KHDRBS2: variants seen among roughly 807,000 people sequenced by gnomAD.
The protein encoded by KHDRBS2 is KH RNA binding domain containing, signal transduction associated 2.
KHDRBS2 carries 26 observed loss-of-function variants against 44.3 expected under a neutral mutation model. The observed-to-expected ratio is 0.59, with a 90% CI of 0.43 to 0.81. The LOEUF is 0.81. Among genes scored for constraint, KHDRBS2 ranks in the 40% least tolerant of loss-of-function variants. The pLI is 0.00. For synonymous variants in KHDRBS2, 194 were observed against 151.1 expected, an observed-to-expected ratio of 1.28 and a Z score of -2.08; for missense variants, 476 against 433.1, an observed-to-expected ratio of 1.10 and a Z score of -0.88.
At chr6:62,053,963 T>C (rs1789682913) in intron 2 of KHDRBS2, among the ~76,000 whole-genome samples, 1 of 152,008 alleles carries the variant, frequency 6.6e-6, no homozygotes. Context: ...ATATAGGAAT[T>C]TTAAAAACTA....
chr6:62,064,121 A>G (rs1379993022), intron 2 of KHDRBS2, among the ~76,000 whole-genome samples: 1 of 61,544 alleles, frequency 1.6e-5, no homozygotes, highest in Non-Finnish European at 4.5e-5. Context: ...CTGTTCAAGG[A>G]AATAAAAGAG....
chr6:61,832,502 T>G (rs756811371), intron 6 of KHDRBS2, among the ~76,000 whole-genome samples: 4 of 152,164 alleles, frequency 2.6e-5, no homozygotes, highest in Non-Finnish European at 5.9e-5. Flanking sequence ...AGCTGCCATT[T>G]CTGCCTTGGG....
At chr6:61,671,087 A>G in the KHDRBS2 span, among the ~76,000 whole-genome samples, 1 of 151,640 alleles carries the variant, frequency 6.6e-6, no homozygotes, top group Non-Finnish European at 1.5e-5. Flanking sequence ...AAAAAAGTAG[A>G]CTGTGAATTT....
At chr6:61,926,840 A>C (rs1004749642) in intron 4 of KHDRBS2, among the ~76,000 whole-genome samples, 3 of 152,004 alleles carry the variant, frequency 2.0e-5, no homozygotes, top group Non-Finnish European at 2.9e-5. Context: ...AGAGAAAGAG[A>C]CAGATGAGCC....
chr6:62,033,307 T>C (rs1784680214), intron 3 of KHDRBS2, among the ~76,000 whole-genome samples: 1 of 151,930 alleles, frequency 6.6e-6, no homozygotes. Flanking sequence ...AAAAGCATTA[T>C]AACAGAGAAT....
At chr6:62,020,849 C>G (rs1016520369) in intron 3 of KHDRBS2, among the ~76,000 whole-genome samples, 18 of 151,928 alleles carry the variant, frequency 1.2e-4, no homozygotes, top group African/African-American at 3.9e-4. Flanking sequence ...AGGCTTAAAA[C>G]AGAACTTGAT....
At chr6:61,564,518 T>C in the KHDRBS2 span, among the ~76,000 whole-genome samples, 89,793 of 151,834 alleles carry the variant, frequency 0.59, 26,766 homozygotes, top group Non-Finnish European at 0.61. Context: ...CTCTGGTGAG[T>C]ACCTCCCTCC....
At chr6:62,234,666 A>G (rs1833420295) in intron 1 of KHDRBS2, among the ~76,000 whole-genome samples, 1 of 152,094 alleles carries the variant, frequency 6.6e-6, no homozygotes, top group Admixed American at 6.6e-5. Flanking sequence ...CCTTAATTTC[A>G]TCAAATACCT....
At chr6:62,120,122 T>A (rs2150081861) in intron 2 of KHDRBS2, among the ~76,000 whole-genome samples, 1 of 152,336 alleles carries the variant, frequency 6.6e-6, no homozygotes, top group East Asian at 1.9e-4. Flanking sequence ...CATTTAATGT[T>A]GCAACTCATG....
At chr6:61,917,511 G>A (rs1807238440) in intron 4 of KHDRBS2, among the ~76,000 whole-genome samples, 1 of 151,796 alleles carries the variant, frequency 6.6e-6, no homozygotes, top group Non-Finnish European at 1.5e-5. Context: ...TGAATAGGTG[G>A]AGCACAGAAA....
the KHDRBS2 span, among the ~76,000 whole-genome samples, chr6:61,648,867 T>A: frequency 6.6e-6 from 1 of 152,166 alleles, no homozygotes; most frequent in East Asian, 1.9e-4. Context: ...TAGGCACTCT[T>A]CCTGAAGTAG....
intron 2 of KHDRBS2, among the ~76,000 whole-genome samples, chr6:62,084,079 T>G (rs1017568221): frequency 1.3e-5 from 2 of 152,144 alleles, no homozygotes; most frequent in African/African-American, 4.8e-5. Context: ...TTAGTACAAA[T>G]TTTTGTGTGG....
intron 4 of KHDRBS2, among the ~76,000 whole-genome samples, chr6:61,938,050 G>A (rs1248150771): frequency 6.6e-6 from 1 of 151,994 alleles, no homozygotes; most frequent in African/African-American, 2.4e-5. Flanking sequence ...ACAGCCCCAA[G>A]CAATCAACAC....
chr6:62,221,210 A>T (rs912948275), intron 1 of KHDRBS2, among the ~76,000 whole-genome samples: 11 of 152,100 alleles, frequency 7.2e-5, no homozygotes, highest in Non-Finnish European at 2.9e-5. Flanking sequence ...CCAGACATAA[A>T]AATAAAAGTT....
chr6:61,958,418 G>A (rs985837682), intron 4 of KHDRBS2, among the ~76,000 whole-genome samples: 1 of 152,046 alleles, frequency 6.6e-6, no homozygotes, highest in African/African-American at 2.4e-5. Flanking sequence ...AAGCCATTTG[G>A]CCACCCTTCA....
chr6:62,095,899 A>G lies in KHDRBS2; in HGVS notation c.220-47905T>C, dbSNP rs189513424. On this transcript the variant is annotated intron_variant, in intron 2 of 8. Coordinates refer to ENST00000281156, the MANE Select transcript of KHDRBS2 (RefSeq NM_152688.4). ...TACATTGAGGTGCATTCCTTCTATT[A>G]CTAACTTGTTGAAAGCGTCTATCAT... Among the ~76,000 whole-genome samples the G allele has an allele frequency of 6.6e-5, 10 of 151,920 alleles. No homozygotes were observed. The East Asian group carries it at 1.5e-3, about 23-fold the overall frequency.
chr6:61,611,664 T>A, the KHDRBS2 span, among the ~76,000 whole-genome samples: 1 of 152,216 alleles, frequency 6.6e-6, no homozygotes. Context: ...AATTTCAGCT[T>A]TTATTTTAGA....
intron 6 of KHDRBS2, among the ~76,000 whole-genome samples, chr6:61,884,875 T>C (rs1227992316): frequency 6.6e-6 from 1 of 152,098 alleles, no homozygotes; most frequent in Non-Finnish European, 1.5e-5. Context: ...TATTTTCCTA[T>C]AAATGTTGCC....
chr6:61,796,665 A>G (rs1785400555), intron 6 of KHDRBS2, among the ~76,000 whole-genome samples: 1 of 152,172 alleles, frequency 6.6e-6, no homozygotes, highest in Non-Finnish European at 1.5e-5. Context: ...ATTTGAAAAA[A>G]GTATTTAATA....
Sources: allele counts gnomAD v4.1 joint callset (sites outside exome capture counted in the v4.1 genomes callset), GRCh38; gene constraint gnomAD v4.1.1; transcripts MANE v1.5; gene names NCBI Gene and HGNC (gene_info 2026-07-23, HGNC 2026-07-21).